EPB41L5: variants seen among roughly 807,000 people sequenced by gnomAD.
The protein encoded by EPB41L5 is band 4.1-like protein 5.
A neutral mutation model predicts 106.6 loss-of-function variants in EPB41L5; 55 were observed. The observed-to-expected ratio is 0.52, with a 90% CI of 0.42 to 0.65. The LOEUF (loss-of-function observed/expected upper bound fraction) is 0.65. Ranked by LOEUF, EPB41L5 falls within the 30% of genes least tolerant of loss-of-function variation. The pLI is 0.00. For synonymous variants in EPB41L5, 297 were observed against 306.7 expected, an observed-to-expected ratio of 0.97 and a Z score of 0.33; for missense variants, 871 against 882.1, an observed-to-expected ratio of 0.99 and a Z score of 0.16.
At chr2:120,151,751 G>A (rs1054644888) in intron 20 of EPB41L5, among the ~76,000 whole-genome samples, 5 of 151,622 alleles carry the variant, frequency 3.3e-5, no homozygotes, top group Admixed American at 1.3e-4. Flanking sequence ...TGAGTAGCTG[G>A]GATTACAGGC....
chr2:120,076,535 A>G (rs987561244), intron 7 of EPB41L5, among the ~76,000 whole-genome samples: 78 of 145,566 alleles, frequency 5.4e-4, no homozygotes, highest in Non-Finnish European at 1.5e-5. Flanking sequence ...ACTGGCCTGA[A>G]ACCATCTTCC....
chr2:120,019,179 A>G lies in EPB41L5; in HGVS notation c.95A>G (p.His32Arg), dbSNP rs138231769. Reference sequence around the variant, plus strand: ...CGAGAAGCACAACGCGCCGCCACACATATTCCTGCAGCTGGAGATTCTAAG... The same window carrying G: ...CGAGAAGCACAACGCGCCGCCACACGTATTCCTGCAGCTGGAGATTCTAAG... ...RLREAQRAAT[H>R]IPAAGDSKSI... Residue 32 changes from histidine to arginine, a missense_variant, in exon 2 of 25, where the codon CAT becomes CGT. Transcript: ENST00000263713. The G allele has an allele frequency of 1.9e-5, 30 of 1,613,834 alleles. 1 individual carries two copies. The Middle Eastern group carries it at 1.2e-3, about 62-fold the overall frequency.
intron 3 of EPB41L5, among the ~76,000 whole-genome samples, chr2:120,065,082 A>G (rs187420640): frequency 6.6e-5 from 10 of 152,240 alleles, no homozygotes; most frequent in African/African-American, 2.4e-4. Context: ...GAAGATAACT[A>G]TGATCCTTTT....
intron 16 of EPB41L5, among the ~76,000 whole-genome samples, chr2:120,121,889 G>T (rs1407048106): frequency 2.0e-5 from 3 of 152,078 alleles, no homozygotes; most frequent in Admixed American, 1.3e-4. Context: ...TGTGAGATGG[G>T]ATCTCATTGT....
rs532709894 is a variant in EPB41L5, at chr2:120,151,168, C to T, written c.1793+4879C>T. 9.9e-5 allele frequency among the ~76,000 whole-genome samples: 15 copies of T among 151,972 alleles called. No homozygotes were observed. In the East Asian group the frequency reaches 1.2e-3, roughly 12 times the overall value. On this transcript the variant is annotated intron_variant, in intron 20 of 24. Transcript: ENST00000263713. ...TCTACTCAAAATACAAAAAATTAGCCGGGTGCCTGTAGTCCCAGCTACTCG... is the reference window on the plus strand; with the variant it reads ...TCTACTCAAAATACAAAAAATTAGCTGGGTGCCTGTAGTCCCAGCTACTCG...
intron 1 of EPB41L5, among the ~76,000 whole-genome samples, chr2:120,016,181 G>A (rs1301455253): frequency 2.6e-5 from 4 of 152,098 alleles, no homozygotes; most frequent in East Asian, 3.9e-4. Flanking sequence ...TGTAATCCTA[G>A]CACTTTGGGA....
intron 20 of EPB41L5, among the ~76,000 whole-genome samples, chr2:120,149,296 T>G (rs1434153848): frequency 6.6e-6 from 1 of 152,192 alleles, no homozygotes; most frequent in African/African-American, 2.4e-5. Context: ...CTGTATTTAG[T>G]ACATACAACC....
At position 120,013,172 on chromosome 2, in the gene EPB41L5, C is replaced by G. The variant is rs573769370; in HGVS notation, c.-47C>G. 1 of 152,380 alleles carries G rather than the reference C, an allele frequency of 6.6e-6. No individual in the cohort carries two copies. Among genetic ancestry groups the G allele is most frequent in the Admixed American group, 6.5e-5 (1 of 15,294 alleles). The allele number at this position is 152,380 out of a possible 1,614,324, so 9.4% of individuals were successfully genotyped here. Reference sequence around the variant, plus strand: ...CTTTCTCAGCCTTGCTCGGCTCTTCCCCGCTCTGGTCGCCGGGGCTGCGCC... The same window carrying G: ...CTTTCTCAGCCTTGCTCGGCTCTTCGCCGCTCTGGTCGCCGGGGCTGCGCC... On this transcript the variant is annotated 5_prime_UTR_variant, in exon 1 of 25. Transcript: ENST00000263713.
At chr2:120,045,948 G>A (rs1332946488) in intron 3 of EPB41L5, among the ~76,000 whole-genome samples, 2 of 151,928 alleles carry the variant, frequency 1.3e-5, no homozygotes, top group Non-Finnish European at 2.9e-5. Flanking sequence ...TGAGAATGAT[G>A]GTTTCCTGCT....
In EPB41L5 at chr2:120,050,961, T is replaced by C. The variant is rs1680217893; in HGVS notation, c.285+8851T>C. 2.0e-5 allele frequency among the ~76,000 whole-genome samples: 3 copies of C among 152,238 alleles called. No homozygotes were observed. The South Asian group carries it at 6.2e-4, about 31-fold the overall frequency. On this transcript the variant is annotated intron_variant, in intron 3 of 24. Coordinates refer to ENST00000263713, the MANE Select transcript of EPB41L5 (RefSeq NM_020909.4). ...TTGCCTGGGTATCACCAGCGGAGGC[T>C]GCAGAACAGTGAATATTGCTGAACA... is the stretch of plus-strand genomic sequence containing the variant.
intron 16 of EPB41L5, among the ~76,000 whole-genome samples, chr2:120,117,843 C>T (rs774987353): frequency 6.6e-6 from 1 of 152,104 alleles, no homozygotes; most frequent in Admixed American, 6.6e-5. Flanking sequence ...TTGTTCCTCT[C>T]CCCCTGCCCC....
At chr2:120,072,153 C>CATTT (rs1210179112) in intron 3 of EPB41L5, among the ~76,000 whole-genome samples, 8 of 152,136 alleles carry the variant, frequency 5.3e-5, no homozygotes, top group Non-Finnish European at 1.0e-4. Flanking sequence ...CAAAAGCAGA[C>CATTT]ATTTATATGG....
chr2:120,120,229 G>C (rs1685147044), intron 16 of EPB41L5, among the ~76,000 whole-genome samples: 1 of 152,016 alleles, frequency 6.6e-6, no homozygotes, highest in South Asian at 2.1e-4. Context: ...AGCAGTTCGA[G>C]ACCAGCCTGG....
At chr2:120,092,187 C>T (rs1283899911) in intron 13 of EPB41L5, among the ~76,000 whole-genome samples, 1 of 152,014 alleles carries the variant, frequency 6.6e-6, no homozygotes, top group East Asian at 1.9e-4. Flanking sequence ...CGCCACCACT[C>T]CTGACTCATT....
At chr2:120,037,969 A>G (rs571331895) in intron 2 of EPB41L5, among the ~76,000 whole-genome samples, 4 of 152,224 alleles carry the variant, frequency 2.6e-5, no homozygotes, top group Non-Finnish European at 5.9e-5. Context: ...TCTTCATGAC[A>G]TTAGATATGG....
At chr2:120,047,022 C>A (rs958837688) in intron 3 of EPB41L5, among the ~76,000 whole-genome samples, 8 of 151,156 alleles carry the variant, frequency 5.3e-5, no homozygotes, top group African/African-American at 2.0e-4. Context: ...TGGTCTATGT[C>A]TCTGTTTTGG....
At chr2:120,152,142 G>T (rs1686707718) in intron 20 of EPB41L5, among the ~76,000 whole-genome samples, 1 of 152,196 alleles carries the variant, frequency 6.6e-6, no homozygotes, top group South Asian at 2.1e-4. Context: ...TTTCACCATT[G>T]AGTGTTGTGT....
At chr2:120,163,301 G>A (rs1323342324) in intron 21 of EPB41L5, among the ~76,000 whole-genome samples, 1 of 145,086 alleles carries the variant, frequency 6.9e-6, no homozygotes, top group Non-Finnish European at 1.5e-5. Context: ...ATGAATGAAG[G>A]GCTCTTTTTT....
chr2:120,076,324 T>C (rs1682230342), intron 7 of EPB41L5, among the ~76,000 whole-genome samples: 1 of 152,108 alleles, frequency 6.6e-6, no homozygotes, highest in African/African-American at 2.4e-5. Context: ...TTTTGTTTTT[T>C]TTTGAGACAG....
Sources: allele counts gnomAD v4.1 joint callset (sites outside exome capture counted in the v4.1 genomes callset), GRCh38; gene constraint gnomAD v4.1.1; transcripts MANE v1.5; gene names NCBI Gene and HGNC (gene_info 2026-07-23, HGNC 2026-07-21).